ZNG1B: variants seen among roughly 807,000 people sequenced by gnomAD.
ZNG1B encodes zinc-regulated GTPase metalloprotein activator 1B.
At chr2:113,472,370 A>G in the ZNG1B span, among the ~76,000 whole-genome samples, 1 of 151,764 alleles carries the variant, frequency 6.6e-6, no homozygotes, top group African/African-American at 2.4e-5. Flanking sequence ...AGTTCATTGT[A>G]GATTCTGGAT....
chr2:113,447,590 A>G, the ZNG1B span: 1 of 408,904 alleles, frequency 2.4e-6, no homozygotes, highest in South Asian at 1.7e-5. Context: ...TCTATAGCAC[A>G]TGATGCTATT....
the ZNG1B span, among the ~76,000 whole-genome samples, chr2:113,486,634 T>C: frequency 1.3e-5 from 2 of 152,220 alleles, no homozygotes; most frequent in Admixed American, 6.5e-5. Flanking sequence ...CATGTACCTG[T>C]AATCCCAGCT....
the ZNG1B span, among the ~76,000 whole-genome samples, chr2:113,448,713 G>A: frequency 6.6e-5 from 10 of 152,106 alleles, no homozygotes; most frequent in Non-Finnish European, 1.5e-4. Context: ...GACCAGCCTG[G>A]CCAACATAGT....
the ZNG1B span, among the ~76,000 whole-genome samples, chr2:113,453,765 T>G: frequency 1.5e-5 from 2 of 136,522 alleles, no homozygotes; most frequent in Non-Finnish European, 3.1e-5. Flanking sequence ...AAAAAAAAAA[T>G]GCTTTGTAGG....
chr2:113,458,415 C>G, the ZNG1B span, among the ~76,000 whole-genome samples: 3 of 151,918 alleles, frequency 2.0e-5, no homozygotes, highest in East Asian at 5.8e-4. Flanking sequence ...ATCTCTTCTG[C>G]TATAATGGTA....
chr2:113,475,510 G>A, the ZNG1B span, among the ~76,000 whole-genome samples: 5 of 150,322 alleles, frequency 3.3e-5, no homozygotes, highest in Middle Eastern at 6.8e-3. Flanking sequence ...ATATCGTTAC[G>A]TGTGAATTTG....
chr2:113,438,156 C>T, the ZNG1B span: 1 of 1,581,696 alleles, frequency 6.3e-7, no homozygotes, highest in Non-Finnish European at 8.6e-7. Context: ...GGGGCTGGGT[C>T]ACTTGCTTCT....
chr2:113,477,348 A>C, the ZNG1B span, among the ~76,000 whole-genome samples: 16 of 152,118 alleles, frequency 1.1e-4, no homozygotes, highest in Non-Finnish European at 1.8e-4. Context: ...GCGCTTCCCA[A>C]GTGAGGCAAT....
the ZNG1B span, chr2:113,465,191 T>C: frequency 1.8e-5 from 10 of 556,110 alleles, no homozygotes; most frequent in South Asian, 4.4e-5. Flanking sequence ...AAAAAAGCTA[T>C]TCCTATTAAT....
chr2:113,479,720 A>T, the ZNG1B span, among the ~76,000 whole-genome samples: 63 of 152,080 alleles, frequency 4.1e-4, no homozygotes, highest in African/African-American at 1.5e-3. Flanking sequence ...TTTTAATTTG[A>T]TGCTGTGGGC....
At chr2:113,445,163 A>G in the ZNG1B span, 1 of 1,468,856 alleles carries the variant, frequency 6.8e-7, no homozygotes, top group South Asian at 1.3e-5. Context: ...TTAGTATTAA[A>G]CCAAAAACTT....
the ZNG1B span, among the ~76,000 whole-genome samples, chr2:113,476,840 G>A: frequency 6.6e-6 from 1 of 152,212 alleles, no homozygotes; most frequent in African/African-American, 2.4e-5. Flanking sequence ...GGGGGTCAGG[G>A]GTCAGGGTCC....
the ZNG1B span, chr2:113,439,158 G>A: frequency 7.6e-7 from 1 of 1,320,532 alleles, no homozygotes; most frequent in Admixed American, 2.4e-5. Context: ...CTGAAGCTCA[G>A]GAGTGAGAAT....
At chr2:113,466,980 C>T in the ZNG1B span, among the ~76,000 whole-genome samples, 7,057 of 147,442 alleles carry the variant, frequency 0.048, 258 homozygotes, top group African/African-American at 0.17. Flanking sequence ...AGGAGAATGG[C>T]GTGAACCCGG....
chr2:113,483,263 G>T, the ZNG1B span, among the ~76,000 whole-genome samples: 2 of 150,802 alleles, frequency 1.3e-5, no homozygotes, highest in Non-Finnish European at 3.0e-5. Context: ...ATGAGCGTTT[G>T]GGGCGGCCAG....
the ZNG1B span, chr2:113,462,767 T>C: frequency 9.9e-6 from 5 of 506,872 alleles, no homozygotes; most frequent in Admixed American, 1.1e-4. Context: ...TCTCTTTGAC[T>C]CTTTCCTAAT....
chr2:113,450,132 A>G, the ZNG1B span, among the ~76,000 whole-genome samples: 1 of 151,528 alleles, frequency 6.6e-6, no homozygotes, highest in African/African-American at 2.4e-5. Flanking sequence ...TAATATAAAC[A>G]AGGTATATCT....
chr2:113,445,605 A>G, the ZNG1B span: 1 of 148,826 alleles, frequency 6.7e-6, no homozygotes, highest in East Asian at 2.1e-4. Context: ...GGAACTCTGA[A>G]CTCTACTATG....
At chr2:113,440,781 G>T in the ZNG1B span, among the ~76,000 whole-genome samples, 2 of 145,078 alleles carry the variant, frequency 1.4e-5, no homozygotes, top group Non-Finnish European at 3.0e-5. Context: ...ATACTATGCA[G>T]TTAGGATTTT....
Sources: gnomAD v4.1 joint callset for allele counts (sites outside exome capture counted in the v4.1 genomes callset) on GRCh38, gnomAD v4.1.1 for gene constraint, MANE v1.5 for transcripts, NCBI Gene and HGNC (gene_info 2026-07-23, HGNC 2026-07-21) for gene names.